Variants in EYA1 observed in about 807,000 individuals in gnomAD.
The protein encoded by EYA1 is EYA transcriptional coactivator and phosphatase 1, also known as protein phosphatase EYA1.
EYA1 carries 16 observed loss-of-function variants against 82.0 expected under a neutral mutation model. The ratio of observed to expected loss-of-function variants is 0.20; its 90% CI spans 0.13 to 0.30. EYA1 has a LOEUF of 0.30. Ranked by LOEUF, EYA1 falls within the 10% of genes least tolerant of loss-of-function variation. The pLI, the probability that EYA1 is intolerant of heterozygous loss-of-function variation, is 1.00. For missense variants in EYA1, 633 were observed against 730.7 expected (o/e 0.87, Z 1.54); for synonymous variants, 261 against 264.4 (o/e 0.99, Z 0.12).
At chr8:71,403,007 T>A (rs1236054932) in intron 2 of EYA1, among the ~76,000 whole-genome samples, 1 of 152,202 alleles carries the variant, frequency 6.6e-6, no homozygotes, top group African/African-American at 2.4e-5. Flanking sequence ...ATATCATTTG[T>A]GCAAGCTTTG....
At chr8:71,370,338 G>T (rs1828007291) in intron 2 of EYA1, among the ~76,000 whole-genome samples, 1 of 149,266 alleles carries the variant, frequency 6.7e-6, no homozygotes, top group Non-Finnish European at 1.5e-5. Flanking sequence ...TGGTCTATCG[G>T]CCAGTAATCA....
chr8:71,327,585 G>A (rs569758939), intron 4 of EYA1, among the ~76,000 whole-genome samples: 1 of 152,286 alleles, frequency 6.6e-6, no homozygotes, highest in South Asian at 2.1e-4. Flanking sequence ...GATAAACAAT[G>A]CTGCAATTTT....
At chr8:71,449,990 C>A (rs1807220618) in intron 2 of EYA1, among the ~76,000 whole-genome samples, 1 of 152,176 alleles carries the variant, frequency 6.6e-6, no homozygotes, top group Non-Finnish European at 1.5e-5. Context: ...TCACCTCTGC[C>A]AGTCTTCAGA....
intron 2 of EYA1, among the ~76,000 whole-genome samples, chr8:71,497,835 G>T (rs558946121): frequency 2.6e-5 from 4 of 152,170 alleles, no homozygotes; most frequent in Admixed American, 2.0e-4. Context: ...CTGGATGAAT[G>T]AATTTTTAAA....
At chr8:71,401,520 T>C (rs907237740) in intron 2 of EYA1, among the ~76,000 whole-genome samples, 1 of 152,234 alleles carries the variant, frequency 6.6e-6, no homozygotes, top group Admixed American at 6.5e-5. Flanking sequence ...TGAAACATAT[T>C]AGCATATGCA....
chr8:71,436,013 C>T (rs1805984341), intron 2 of EYA1, among the ~76,000 whole-genome samples: 1 of 152,020 alleles, frequency 6.6e-6, no homozygotes, highest in African/African-American at 2.4e-5. Context: ...AAATATTTTG[C>T]TACATATTGT....
Position 71,407,121 on chromosome 8 carries a change from C to T in EYA1, c.34-50610G>A, listed in dbSNP as rs1485265503. 5.5e-3 allele frequency among the ~76,000 whole-genome samples: 688 copies of T among 125,704 alleles called. 6 individuals carry two copies. Among genetic ancestry groups the T allele is most frequent in the African/African-American group, 0.019 (650 of 34,462 alleles). 82.5% of individuals were successfully genotyped at this position (125,704 alleles called of 152,430 possible). On this transcript the variant is annotated intron_variant, in intron 2 of 18. Coordinates refer to the EYA1 transcript ENST00000643681. ...ACCCCCCAGCAGGGGCACACTGACA[C>T]CTCACACGGCAGGGTATTCCAACAG...
intron 2 of EYA1, among the ~76,000 whole-genome samples, chr8:71,417,074 C>T (rs1209899013): frequency 1.3e-5 from 2 of 152,180 alleles, no homozygotes; most frequent in African/African-American, 4.8e-5. Flanking sequence ...ACATCTTTCT[C>T]CTGTGCTGGA....
rs539128492 is a variant in EYA1, at chr8:71,489,643, A to C, written c.33+46101T>G. ...AGTACCATTTGACTGCTTCTGTGCA[A>C]TTAGAGCTAATAGCAATGGTTTCAG... On this transcript the variant is annotated intron_variant, in intron 2 of 18. Transcript: ENST00000643681. 1.1e-4 allele frequency among the ~76,000 whole-genome samples: 16 copies of C among 152,340 alleles called. 1 individual carries two copies. The South Asian group carries it at 3.3e-3, about 32-fold the overall frequency.
chr8:71,521,079 ATCTT>A (rs1813364416), intron 2 of EYA1, among the ~76,000 whole-genome samples: 1 of 152,046 alleles, frequency 6.6e-6, no homozygotes, highest in African/African-American at 2.4e-5. Context: ...AAAAAAAAAA[ATCTT>A]TATTTTTTTC....
upstream of EYA1, among the ~76,000 whole-genome samples, chr8:71,366,493 C>A (rs564122274): frequency 4.6e-5 from 7 of 152,166 alleles, no homozygotes; most frequent in African/African-American, 1.2e-4. Flanking sequence ...AGATTTTTCC[C>A]TCTAAGCCAT....
intron 2 of EYA1, among the ~76,000 whole-genome samples, chr8:71,457,853 T>C (rs566635137): frequency 4.6e-5 from 7 of 152,318 alleles, no homozygotes; most frequent in African/African-American, 1.4e-4. Context: ...CTGCACGTTA[T>C]GCACATGTAC....
At chr8:71,405,195 T>A in intron 2 of EYA1, among the ~76,000 whole-genome samples, 1 of 152,158 alleles carries the variant, frequency 6.6e-6, no homozygotes. Context: ...TTAGCTTATT[T>A]CCTTTTCTGA....
At chr8:71,320,901 A>G (rs762873838) in intron 6 of EYA1, among the ~76,000 whole-genome samples, 12 of 152,242 alleles carry the variant, frequency 7.9e-5, no homozygotes, top group Non-Finnish European at 1.6e-4. Context: ...TACTTATTCT[A>G]TCAATCCTTT....
chr8:71,433,700 A>G (rs950316448), intron 2 of EYA1, among the ~76,000 whole-genome samples: 2 of 152,196 alleles, frequency 1.3e-5, no homozygotes, highest in Admixed American at 1.3e-4. Context: ...TGAGAACAGC[A>G]GAGAGGCCAA....
intron 2 of EYA1, among the ~76,000 whole-genome samples, chr8:71,408,208 A>C (rs1830380759): frequency 6.6e-6 from 1 of 152,012 alleles, no homozygotes; most frequent in Non-Finnish European, 1.5e-5. Flanking sequence ...GCCCTAAAAG[A>C]GCTCCTGAAG....
intron 9 of EYA1, among the ~76,000 whole-genome samples, chr8:71,275,013 C>T (rs944238893): frequency 1.3e-5 from 2 of 150,572 alleles, no homozygotes; most frequent in African/African-American, 2.5e-5. Flanking sequence ...AATAAAAATC[C>T]AATCTGACCT....
intron 2 of EYA1, among the ~76,000 whole-genome samples, chr8:71,523,382 G>C (rs1336781361): frequency 2.0e-5 from 3 of 151,848 alleles, no homozygotes; most frequent in Non-Finnish European, 2.9e-5. Flanking sequence ...GTTTCACTGT[G>C]TTAGCCAGGA....
chr8:71,217,172 T>C (rs904474378), intron 12 of EYA1, 149 bp from the exon 13 acceptor site: 26 of 658,832 alleles, frequency 3.9e-5, no homozygotes, highest in Non-Finnish European at 5.6e-5. Flanking sequence ...TCTTGTAAAA[T>C]TGACATTTTT....
Sources: gnomAD v4.1 joint callset for allele counts (sites outside exome capture counted in the v4.1 genomes callset) on GRCh38, gnomAD v4.1.1 for gene constraint, MANE v1.5 for transcripts, NCBI Gene and HGNC (gene_info 2026-07-23, HGNC 2026-07-21) for gene names.